Variants in SORCS1 observed in about 807,000 individuals in gnomAD.
SORCS1 encodes sortilin related VPS10 domain containing receptor 1, also known as VPS10 domain-containing receptor SorCS1.
A neutral mutation model predicts 146.1 loss-of-function variants in SORCS1; 60 were observed. That is an observed-to-expected ratio of 0.41 (90% CI 0.33 to 0.51). The LOEUF is 0.51. Among genes scored for constraint, SORCS1 ranks in the 20% least tolerant of loss-of-function variants. SORCS1 has a pLI of 0.21. For missense variants in SORCS1, 1,352 were observed against 1,487.6 expected, an observed-to-expected ratio of 0.91 and a Z score of 1.50; for synonymous variants, 637 against 584.0, an observed-to-expected ratio of 1.09 and a Z score of -1.31.
chr10:106,986,449 AATTT>A (rs1349521151), intron 1 of SORCS1, among the ~76,000 whole-genome samples: 4 of 151,990 alleles, frequency 2.6e-5, no homozygotes, highest in African/African-American at 4.8e-5. Context: ...TTATTTCCAT[AATTT>A]ATTTTAGACA....
At chr10:107,097,845 C>T (rs1280611722) in intron 1 of SORCS1, among the ~76,000 whole-genome samples, 3 of 152,104 alleles carry the variant, frequency 2.0e-5, no homozygotes, top group Non-Finnish European at 2.9e-5. Context: ...TTCTAATTTC[C>T]ATTTGAGTGT....
intron 3 of SORCS1, among the ~76,000 whole-genome samples, chr10:106,797,646 T>C (rs113937736): frequency 8.3e-4 from 127 of 152,248 alleles, no homozygotes; most frequent in African/African-American, 3.0e-3. Context: ...CCAAGCACGC[T>C]TGGGGTAAAA....
At chr10:106,933,008 T>A (rs2138614826) in intron 2 of SORCS1, among the ~76,000 whole-genome samples, 1 of 152,344 alleles carries the variant, frequency 6.6e-6, no homozygotes, top group Non-Finnish European at 1.5e-5. Flanking sequence ...CAAAGGGATC[T>A]AAGTTTATGA....
At chr10:106,937,535 T>C (rs1953801295) in intron 2 of SORCS1, among the ~76,000 whole-genome samples, 1 of 152,136 alleles carries the variant, frequency 6.6e-6, no homozygotes, top group Non-Finnish European at 1.5e-5. Context: ...CCTGCTGCCA[T>C]ATAAGACATG....
chr10:106,585,965 C>T (rs764213727), intron 24 of SORCS1, among the ~76,000 whole-genome samples: 36 of 152,208 alleles, frequency 2.4e-4, no homozygotes, highest in Admixed American at 3.9e-4. Flanking sequence ...CAACCCATAG[C>T]TGATTGCAGA....
rs528971714 is a variant in SORCS1, at chr10:106,676,426, G to A, written c.1832+887C>T. On this transcript the variant is annotated intron_variant, in intron 13 of 25. Transcript: ENST00000263054. ...TCATCTCTGTGTGGAATGCAAAAAT[G>A]GATATGGATATTAAACTCCAGGAGA... Among the ~76,000 whole-genome samples the A allele has an allele frequency of 1.1e-4, 16 of 152,248 alleles. No homozygotes were observed. In the East Asian group the frequency reaches 2.9e-3, roughly 28 times the overall value.
chr10:107,098,477 T>C (rs1964684425), intron 1 of SORCS1, among the ~76,000 whole-genome samples: 1 of 152,252 alleles, frequency 6.6e-6, no homozygotes. Flanking sequence ...TTTTCCACCA[T>C]TCAGCATTTA....
At chr10:107,044,773 T>C (rs952317024) in intron 1 of SORCS1, among the ~76,000 whole-genome samples, 3 of 144,002 alleles carry the variant, frequency 2.1e-5, no homozygotes, top group Non-Finnish European at 3.0e-5. Context: ...GATGGCGCCA[T>C]TGCATTCCAG....
chr10:107,154,683 A>C (rs2134860744), intron 1 of SORCS1, among the ~76,000 whole-genome samples: 1 of 152,314 alleles, frequency 6.6e-6, no homozygotes, highest in Non-Finnish European at 1.5e-5. Context: ...AGAGAACCTA[A>C]ATGCAGAAAC....
Position 106,905,618 on chromosome 10 carries a change from T to A in SORCS1, c.626+50895A>T, listed in dbSNP as rs549478392. On this transcript the variant is annotated intron_variant, in intron 2 of 25. Transcript: ENST00000263054. ...GGTAATTTTCTAATTAAAATAGTTA[T>A]AATAGAAAGGAAAACATTTGCAAAA... Among the ~76,000 whole-genome samples, 6 of 152,304 alleles carry A rather than the reference T, an allele frequency of 3.9e-5. No homozygotes were observed. The East Asian group carries it at 1.2e-3, about 29-fold the overall frequency.
chr10:106,934,265 TTTC>T (rs1180556802), intron 2 of SORCS1, among the ~76,000 whole-genome samples: 1 of 151,914 alleles, frequency 6.6e-6, no homozygotes, highest in East Asian at 1.9e-4. Context: ...ATTTTATTTA[TTTC>T]TTTTTTTTAG....
At chr10:106,703,812 G>A (rs920385998) in intron 8 of SORCS1, among the ~76,000 whole-genome samples, 2 of 152,012 alleles carry the variant, frequency 1.3e-5, no homozygotes, top group Non-Finnish European at 2.9e-5. Flanking sequence ...AGGTATAATG[G>A]GATTGTAATA....
intron 1 of SORCS1, among the ~76,000 whole-genome samples, chr10:106,971,429 G>A (rs973315692): frequency 2.0e-5 from 3 of 152,160 alleles, no homozygotes; most frequent in African/African-American, 7.2e-5. Context: ...AGTTACATGA[G>A]CAATTATTGT....
chr10:106,716,160 A>G (rs928523161), intron 6 of SORCS1, among the ~76,000 whole-genome samples: 3 of 152,212 alleles, frequency 2.0e-5, no homozygotes, highest in Non-Finnish European at 4.4e-5. Context: ...ATACAAATAC[A>G]GATCTTCTGC....
chr10:106,857,520 C>G (rs902286486), intron 2 of SORCS1, among the ~76,000 whole-genome samples: 4 of 152,212 alleles, frequency 2.6e-5, no homozygotes, highest in African/African-American at 9.7e-5. Context: ...TTAAGAGCAG[C>G]CACTTCCATT....
intron 2 of SORCS1, among the ~76,000 whole-genome samples, chr10:106,899,706 T>G (rs1698709675): frequency 6.6e-6 from 1 of 151,830 alleles, no homozygotes; most frequent in Non-Finnish European, 1.5e-5. Context: ...CGAAGATCTT[T>G]CTGTGTAGAG....
chr10:107,143,454 A>G (rs1968016846), intron 1 of SORCS1, among the ~76,000 whole-genome samples: 1 of 152,076 alleles, frequency 6.6e-6, no homozygotes, highest in Non-Finnish European at 1.5e-5. Context: ...CAGCCTCCCA[A>G]GTAGCTGGGA....
At chr10:107,023,311 G>A (rs987352501) in intron 1 of SORCS1, among the ~76,000 whole-genome samples, 22 of 152,274 alleles carry the variant, frequency 1.4e-4, no homozygotes, top group African/African-American at 5.1e-4. Flanking sequence ...AAACCGAAAC[G>A]ATCAAGGGCT....
intron 4 of SORCS1, among the ~76,000 whole-genome samples, chr10:106,771,848 C>A (rs1045168353): frequency 6.6e-6 from 1 of 152,140 alleles, no homozygotes; most frequent in African/African-American, 2.4e-5. Flanking sequence ...TGTCTTTACT[C>A]GATAAGTCTC....
Sources: gnomAD v4.1 joint callset for allele counts (sites outside exome capture counted in the v4.1 genomes callset) on GRCh38, gnomAD v4.1.1 for gene constraint, MANE v1.5 for transcripts, NCBI Gene and HGNC (gene_info 2026-07-23, HGNC 2026-07-21) for gene names.